CCDC82: variants seen among roughly 807,000 people sequenced by gnomAD.
CCDC82 encodes the protein coiled-coil domain containing 82, also known as coiled-coil domain-containing protein 82.
In CCDC82, 47 loss-of-function variants were observed where a neutral mutation model predicts 60.6. That is an observed-to-expected ratio of 0.77 (90% CI 0.61 to 0.99). CCDC82 has a LOEUF of 0.99. Among genes scored for constraint, CCDC82 ranks in the 50% least tolerant of loss-of-function variants. The pLI is 0.00. For synonymous variants in CCDC82, 212 were observed against 207.4 expected, an observed-to-expected ratio of 1.02 and a Z score of -0.19; for missense variants, 588 against 633.0, an observed-to-expected ratio of 0.93 and a Z score of 0.76.
intron 8 of CCDC82, among the ~76,000 whole-genome samples, chr11:96,359,642 TAAAA>T (rs139619843): frequency 0.013 from 1,038 of 81,374 alleles, 9 homozygotes; most frequent in African/African-American, 0.044. Flanking sequence ...ATGGGCAAAG[TAAAA>T]AAAAAAAAAA....
Position 96,353,596 on chromosome 11 carries a change from T to C in CCDC82, c.*50A>G, listed in dbSNP as rs1237500337. On this transcript the variant is annotated 3_prime_UTR_variant, in exon 10 of 10. Coordinates refer to ENST00000646818, the MANE Select transcript of CCDC82 (RefSeq NM_024725.4). ...ACATGATACAGAAAAACAAGAATCA[T>C]GATCTTCACATTTACAGGAATTTAA... 1.6e-6 allele frequency: 2 copies of C among 1,284,764 alleles called. No homozygotes were observed. The highest frequency in any genetic ancestry group is 2.3e-6 in the Non-Finnish European group (2 of 884,916). 79.6% of individuals were successfully genotyped at this position (1,284,764 alleles called of 1,614,324 possible).
intron 9 of CCDC82, chr11:96,356,784 A>G (rs1864371833): frequency 1.0e-6 from 1 of 985,246 alleles, no homozygotes; most frequent in South Asian, 4.7e-5. Context: ...AGGAAGAACA[A>G]AAAGAATGAA....
At chr11:96,359,949 C>T (rs1003103608) in intron 8 of CCDC82, among the ~76,000 whole-genome samples, 7 of 151,030 alleles carry the variant, frequency 4.6e-5, no homozygotes, top group African/African-American at 1.2e-4. Flanking sequence ...TTAATTCCTA[C>T]GTTTATATGG....
intron 9 of CCDC82, chr11:96,357,774 G>C: frequency 2.0e-6 from 2 of 985,364 alleles, no homozygotes; most frequent in Non-Finnish European, 2.4e-6. Flanking sequence ...ATGTTGTCTA[G>C]GAAAATGAAG....
rs147478540 is a variant in CCDC82, at chr11:96,366,672, C to T, written c.1210-1522G>A. Among the ~76,000 whole-genome samples the T allele has an allele frequency of 8.8e-3, 1,339 of 152,284 alleles. 18 individuals are homozygous for T. The highest frequency in any genetic ancestry group is 0.034 in the Admixed American group (527 of 15,302). ...TCAGGAGGCTGAGGTGGGAGGATCT[C>T]GAGCCCAGAAGTTCAAGTTCAGCCT... On this transcript the variant is annotated intron_variant, in intron 7 of 9. Transcript: ENST00000646818.
At chr11:96,389,026 G>A (rs1243119620) in intron 1 of CCDC82, 2 of 152,098 alleles carry the variant, frequency 1.3e-5, no homozygotes, top group African/African-American at 4.8e-5. Context: ...ACGATTTGAG[G>A]GCTACAGTGT....
At chr11:96,379,786 A>G (rs1055692804) in intron 5 of CCDC82, among the ~76,000 whole-genome samples, 1 of 151,852 alleles carries the variant, frequency 6.6e-6, no homozygotes, top group Non-Finnish European at 1.5e-5. Flanking sequence ...ACAATCTTCA[A>G]TAAGATAAAA....
In CCDC82 at chr11:96,383,428, C is replaced by T. The variant is rs1865986509; in HGVS notation, c.832G>A (p.Glu278Lys). ...GATTCATAATTATCCTCTTCTTCCT[C>T]CTCATCAACTTCATCACTGCTTGGG... ...SCPSSDEVDE[E>K]EEEDNYESDE... The change falls in exon 5 of 10, where the codon GAG becomes AAG. Residue 278 changes from glutamate to lysine, a missense_variant. Coordinates refer to ENST00000646818, the MANE Select transcript of CCDC82 (RefSeq NM_024725.4). 1 of 1,604,848 alleles carries T rather than the reference C, an allele frequency of 6.2e-7. No homozygotes were observed. The highest frequency in any genetic ancestry group is 1.3e-5 in the African/African-American group (1 of 74,650).
chr11:96,364,373 G>A (rs1162914536), intron 8 of CCDC82: 1 of 151,916 alleles, frequency 6.6e-6, no homozygotes, highest in African/African-American at 2.4e-5. Flanking sequence ...GTCAACTACT[G>A]CTCGATAATA....
At chr11:96,385,866 A>C (rs1866162592) in intron 3 of CCDC82, 1 of 152,056 alleles carries the variant, frequency 6.6e-6, no homozygotes, top group Non-Finnish European at 1.5e-5. Context: ...TGACAATGTA[A>C]TGAGACCGAC....
In CCDC82 at chr11:96,383,216, G is replaced by A. The variant is rs778895214; in HGVS notation, c.991+53C>T. On this transcript the variant is annotated intron_variant, in intron 5 of 9. Coordinates refer to ENST00000646818, the MANE Select transcript of CCDC82 (RefSeq NM_024725.4). ...ATATTAAAAGGCTAATTTGATACTT[G>A]ATAAAATATCATGAGAACAATTCAT... The A allele has an allele frequency of 2.8e-5, 29 of 1,053,032 alleles. No homozygotes were observed. The South Asian group carries it at 3.6e-4, about 13-fold the overall frequency. 65.2% of individuals were successfully genotyped at this position (1,053,032 alleles called of 1,614,324 possible).
chr11:96,379,131 T>A (rs889129138), intron 5 of CCDC82, among the ~76,000 whole-genome samples: 4 of 151,916 alleles, frequency 2.6e-5, no homozygotes, highest in African/African-American at 9.7e-5. Context: ...TAATTACAAC[T>A]TAACCCAAGT....
chr11:96,377,711 C>A (rs1461741171), intron 5 of CCDC82, among the ~76,000 whole-genome samples: 1 of 151,912 alleles, frequency 6.6e-6, no homozygotes, highest in East Asian at 1.9e-4. Context: ...TTAATGACTT[C>A]TAATATTAAG....
Position 96,371,055 on chromosome 11 carries a change from T to C in CCDC82, c.1167A>G (p.Leu389=), listed in dbSNP as rs766659838. The C allele has an allele frequency of 4.4e-6, 7 of 1,606,734 alleles. No homozygotes were observed. In the East Asian group the frequency reaches 1.1e-4, roughly 26 times the overall value. The part of the protein sequence containing the change: ...YLDNRFVQPR[L]ESLVSRSRWK... ...AACGACTTCTAGATACCAAGCTCTC[T>C]AGACGAGGCTGAACAAAGCGGTTAT... The change falls in exon 7 of 10, where the codon CTA becomes CTG. Residue 389 remains leucine (L), a synonymous_variant. Coordinates refer to ENST00000646818, the MANE Select transcript of CCDC82 (RefSeq NM_024725.4).
intron 8 of CCDC82, among the ~76,000 whole-genome samples, chr11:96,359,817 C>T (rs1284355692): frequency 1.3e-5 from 2 of 150,964 alleles, no homozygotes; most frequent in African/African-American, 4.9e-5. Context: ...TCTTTTCCCC[C>T]CCCAAAAAAA....
At chr11:96,376,324 T>G (rs1865567438) in intron 5 of CCDC82, among the ~76,000 whole-genome samples, 1 of 152,196 alleles carries the variant, frequency 6.6e-6, no homozygotes, top group African/African-American at 2.4e-5. Flanking sequence ...CTTCTTGTTC[T>G]ACGCATATTA....
Position 96,384,348 on chromosome 11 carries a change from C to A in CCDC82, c.400G>T (p.Asp134Tyr). 6.2e-7 allele frequency: 1 copy of A among 1,613,798 alleles called. No individual in the cohort carries two copies. Among genetic ancestry groups the A allele is most frequent in the Non-Finnish European group, 8.5e-7 (1 of 1,179,836 alleles). ...CCAGTTTGTTTGTTGAGATCATTAT[C>A]CTCTTGACTTAAATGTTTTTCCTGA... ...QDQEKHLSQE[D>Y]NDLNKQTGQI... Residue 134 changes from aspartate (D) to tyrosine (Y), a missense_variant, in exon 4 of 10, where the codon GAT (aspartate) becomes TAT (tyrosine). By Grantham distance (160) the Asp-to-Tyr change is radical (BLOSUM62 -3). Transcript: ENST00000646818.
chr11:96,368,989 T>G (rs983310560), intron 7 of CCDC82, among the ~76,000 whole-genome samples: 2 of 152,252 alleles, frequency 1.3e-5, no homozygotes, highest in East Asian at 3.8e-4. Flanking sequence ...AGCTTCTCCA[T>G]TAGCACTTGC....
chr11:96,367,725 T>C (rs781609066), intron 7 of CCDC82, among the ~76,000 whole-genome samples: 1 of 152,146 alleles, frequency 6.6e-6, no homozygotes, highest in Non-Finnish European at 1.5e-5. Flanking sequence ...GCATCTAGAA[T>C]GGTGAATACT....
Sources: allele counts gnomAD v4.1 joint callset (sites outside exome capture counted in the v4.1 genomes callset), GRCh38; gene constraint gnomAD v4.1.1; transcripts MANE v1.5; gene names NCBI Gene and HGNC (gene_info 2026-07-23, HGNC 2026-07-21).